Variants in SCN10A observed in about 807,000 individuals in gnomAD.
The protein encoded by SCN10A is sodium voltage-gated channel alpha subunit 10.
A neutral mutation model predicts 170.7 loss-of-function variants in SCN10A; 162 were observed. The observed-to-expected ratio is 0.95, with a 90% CI of 0.84 to 1.08. SCN10A has a LOEUF of 1.08. Among genes scored for constraint, SCN10A ranks in the 50% least tolerant of loss-of-function variants. The pLI, the probability that SCN10A is intolerant of heterozygous loss-of-function variation, is 0.00. For missense variants in SCN10A, 2,527 were observed against 2,436.9 expected, an observed-to-expected ratio of 1.04 and a Z score of -0.78; for synonymous variants, 985 against 904.6, an observed-to-expected ratio of 1.09 and a Z score of -1.59.
chr3:38,697,496 T>A lies in SCN10A; in HGVS notation c.5724A>T (p.Lys1908Asn), dbSNP rs555184897. Residue 1908 changes from lysine to asparagine, a missense_variant, in exon 28 of 28, where the codon AAA becomes AAT. Coordinates refer to ENST00000449082, the MANE Select transcript of SCN10A (RefSeq NM_006514.4). ...ATGATGTGGCAGAAGCAGTTTCAGA[T>A]TTGTCTGGGAGTACACAATTTTCAT... ...TANENCVLPD[K>N]SETASATSFP... The A allele has an allele frequency of 6.2e-7, 1 of 1,614,054 alleles. No individual in the cohort carries two copies. The highest frequency in any genetic ancestry group is 2.2e-5 in the East Asian group (1 of 44,896).
At chr3:38,757,279 T>C in intron 8 of SCN10A, 120 bp from the exon 9 acceptor site, 2 of 970,570 alleles carry the variant, frequency 2.1e-6, no homozygotes, top group East Asian at 4.9e-5. Flanking sequence ...CTTCCTCTTA[T>C]TAGCAGGATG....
chr3:38,794,022 T>C lies in SCN10A; in HGVS notation c.-12A>G. 6 of 1,612,704 alleles carry C rather than the reference T, an allele frequency of 3.7e-6. No individual in the cohort carries two copies. The highest frequency in any genetic ancestry group is 5.1e-6 in the Non-Finnish European group (6 of 1,179,108). ...ATGGGGAATTCCATCTTCTCATTCT[T>C]CTTCAGGAAGTATTTATACTCTTAT... On this transcript the variant is annotated 5_prime_UTR_variant, in exon 2 of 28. Transcript: ENST00000449082.
At chr3:38,718,876 C>T (rs747803001) in intron 20 of SCN10A, 50 bp from the exon 21 acceptor site, 1 of 1,581,332 alleles carries the variant, frequency 6.3e-7, no homozygotes, top group East Asian at 2.2e-5. Context: ...ACCCACAGCA[C>T]TGGGGCCCAG....
Position 38,742,655 on chromosome 3 carries a change from C to G in SCN10A, c.1868-126G>C, listed in dbSNP as rs1300458226. On this transcript the variant is annotated intron_variant, in intron 13 of 27. Transcript: ENST00000449082. ...CCTCCAACATTTTGACTTCAGCCCT[C>G]TCTCTGTCTCTGGTATTCATTTCCT... The G allele has an allele frequency of 1.1e-5, 8 of 729,972 alleles. No homozygotes were observed. In the East Asian group the frequency reaches 2.0e-4, roughly 18 times the overall value. The allele number at this position is 729,972 out of a possible 1,614,324, so 45.2% of individuals were successfully genotyped here.
chr3:38,735,142 C>T (rs1442829425), intron 15 of SCN10A, among the ~76,000 whole-genome samples: 1 of 143,508 alleles, frequency 7.0e-6, no homozygotes, highest in East Asian at 2.0e-4. Flanking sequence ...TGCACTCTAG[C>T]CTGGGTGACA....
chr3:38,734,479 A>G (rs986056551), intron 15 of SCN10A, among the ~76,000 whole-genome samples: 3 of 152,242 alleles, frequency 2.0e-5, no homozygotes, highest in Non-Finnish European at 4.4e-5. Flanking sequence ...CTTCCAATGT[A>G]TTAAAAAATG....
intron 8 of SCN10A, among the ~76,000 whole-genome samples, chr3:38,759,965 G>T (rs959040848): frequency 6.6e-6 from 1 of 152,194 alleles, no homozygotes; most frequent in African/African-American, 2.4e-5. Flanking sequence ...GCTATAGAAT[G>T]GAGTTAGCTG....
chr3:38,721,383 C>A (rs1174021710), intron 20 of SCN10A, among the ~76,000 whole-genome samples: 1 of 152,208 alleles, frequency 6.6e-6, no homozygotes, highest in East Asian at 1.9e-4. Flanking sequence ...GCCCCTCATG[C>A]CTTTGGGCTT....
intron 1 of SCN10A, among the ~76,000 whole-genome samples, chr3:38,797,828 C>A (rs2064349002): frequency 6.6e-6 from 1 of 152,162 alleles, no homozygotes; most frequent in African/African-American, 2.4e-5. Flanking sequence ...AGCTTGAGGT[C>A]AAAGCAGACT....
chr3:38,747,000 C>T (rs2126018959), intron 13 of SCN10A, among the ~76,000 whole-genome samples: 1 of 152,272 alleles, frequency 6.6e-6, no homozygotes, highest in Non-Finnish European at 1.5e-5. Context: ...TTTATAAATC[C>T]TATTACGACT....
chr3:38,766,740 T>C (rs1029379141), intron 5 of SCN10A, among the ~76,000 whole-genome samples: 1 of 152,156 alleles, frequency 6.6e-6, no homozygotes. Flanking sequence ...GATACTGGCT[T>C]CATAAAATGA....
At chr3:38,788,741 A>G (rs1017420682) in intron 4 of SCN10A, among the ~76,000 whole-genome samples, 3 of 152,164 alleles carry the variant, frequency 2.0e-5, no homozygotes, top group Non-Finnish European at 4.4e-5. Flanking sequence ...GTTGAGAACC[A>G]CTAATCTGTA....
intron 17 of SCN10A, among the ~76,000 whole-genome samples, chr3:38,725,989 A>T (rs1194544625): frequency 6.6e-6 from 1 of 152,212 alleles, no homozygotes; most frequent in African/African-American, 2.4e-5. Flanking sequence ...CTGAGGCCTC[A>T]CAGGGTTCCC....
intron 15 of SCN10A, among the ~76,000 whole-genome samples, chr3:38,734,692 A>T (rs939014554): frequency 6.6e-6 from 1 of 152,318 alleles, no homozygotes. Context: ...ACTGATAAAG[A>T]TTTCTTATCT....
At chr3:38,718,936 A>AC in intron 20 of SCN10A, 110 bp from the exon 21 acceptor site, 2 of 1,007,850 alleles carry the variant, frequency 2.0e-6, no homozygotes, top group Non-Finnish European at 2.9e-6. Flanking sequence ...CTGGAAGGGG[A>AC]TTTGGTAGTC....
intron 4 of SCN10A, among the ~76,000 whole-genome samples, chr3:38,785,731 A>G (rs929181348): frequency 6.6e-6 from 1 of 152,092 alleles, no homozygotes; most frequent in Non-Finnish European, 1.5e-5. Flanking sequence ...GCAATCTATC[A>G]ATCTGACAAA....
intron 4 of SCN10A, among the ~76,000 whole-genome samples, chr3:38,784,686 C>G (rs893050481): frequency 1.3e-5 from 2 of 152,104 alleles, no homozygotes; most frequent in African/African-American, 4.8e-5. Context: ...AAGAGGAAGT[C>G]AAATTGTCTC....
chr3:38,725,008 C>T (rs2063437117), intron 18 of SCN10A, among the ~76,000 whole-genome samples, 166 bp downstream of exon 18: 1 of 152,110 alleles, frequency 6.6e-6, no homozygotes, highest in Non-Finnish European at 1.5e-5. Flanking sequence ...TGCGGATTAG[C>T]CGGAGGTTGG....
intron 1 of SCN10A, among the ~76,000 whole-genome samples, chr3:38,796,303 G>T (rs894073812): frequency 6.6e-6 from 1 of 151,992 alleles, no homozygotes; most frequent in Non-Finnish European, 1.5e-5. Flanking sequence ...ATCTAGTGCT[G>T]TTGCTTCTGC....
Sources: gnomAD v4.1 joint callset for allele counts (sites outside exome capture counted in the v4.1 genomes callset) on GRCh38, gnomAD v4.1.1 for gene constraint, MANE v1.5 for transcripts, NCBI Gene and HGNC (gene_info 2026-07-23, HGNC 2026-07-21) for gene names.